Variants in SNX29 observed in about 807,000 individuals in gnomAD.
SNX29 encodes the protein sorting nexin 29, also known as sorting nexin-29.
Under a neutral mutation model 102.1 loss-of-function variants are expected in SNX29, and 78 were observed. The observed-to-expected ratio is 0.76, with a 90% CI of 0.64 to 0.92. The LOEUF (loss-of-function observed/expected upper bound fraction) is 0.92, where lower values mean the gene tolerates loss of function less well. Among genes scored for constraint, SNX29 ranks in the 40% least tolerant of loss-of-function variants. The pLI, the probability that SNX29 is intolerant of heterozygous loss-of-function variation, is 0.00. For missense variants in SNX29, 1,280 were observed against 1,061.7 expected (o/e 1.21, Z -2.86); for synonymous variants, 580 against 414.5 (o/e 1.40, Z -4.85).
chr16:12,445,361 G>A (rs1467664229), intron 18 of SNX29, among the ~76,000 whole-genome samples: 1 of 152,086 alleles, frequency 6.6e-6, no homozygotes, highest in Non-Finnish European at 1.5e-5. Flanking sequence ...CCGCTTCAGG[G>A]CTCCTGTATG....
chr16:12,452,060 G>T (rs1022857158), intron 18 of SNX29, among the ~76,000 whole-genome samples: 4 of 152,174 alleles, frequency 2.6e-5, no homozygotes, highest in African/African-American at 9.7e-5. Context: ...CCCCACTGAA[G>T]CTCAGACCTG....
intron 20 of SNX29, among the ~76,000 whole-genome samples, chr16:12,564,966 A>C (rs925920908): frequency 2.0e-5 from 3 of 150,208 alleles, no homozygotes; most frequent in Non-Finnish European, 4.4e-5. Flanking sequence ...GTCATTGTAA[A>C]TGTGAGGCGT....
intron 20 of SNX29, among the ~76,000 whole-genome samples, chr16:12,567,948 G>T (rs72775248): frequency 2.0e-5 from 3 of 152,160 alleles, no homozygotes; most frequent in Non-Finnish European, 4.4e-5. Flanking sequence ...TTCAGAACCA[G>T]GATCAGTGTC....
intron 11 of SNX29, chr16:12,087,167 G>C (rs1311154785): frequency 6.5e-6 from 1 of 153,152 alleles, no homozygotes; most frequent in East Asian, 1.9e-4. Context: ...GGCTGAGGTG[G>C]GTAGATCACC....
intron 14 of SNX29, among the ~76,000 whole-genome samples, chr16:12,221,722 G>A (rs1413272167): frequency 6.6e-6 from 1 of 152,200 alleles, no homozygotes. Flanking sequence ...GGGAAGGGAA[G>A]GACTGAACAT....
At chr16:12,369,671 C>T (rs969255170) in intron 16 of SNX29, among the ~76,000 whole-genome samples, 1 of 152,108 alleles carries the variant, frequency 6.6e-6, no homozygotes, top group Non-Finnish European at 1.5e-5. Context: ...ATGACGCATC[C>T]CTCTAGATAC....
At chr16:12,347,765 C>G (rs1200148423) in intron 15 of SNX29, among the ~76,000 whole-genome samples, 1 of 152,054 alleles carries the variant, frequency 6.6e-6, no homozygotes, top group Non-Finnish European at 1.5e-5. Flanking sequence ...TGACAATAAC[C>G]TCATTTGACA....
intron 16 of SNX29, among the ~76,000 whole-genome samples, chr16:12,361,985 A>T (rs184297570): frequency 6.6e-6 from 1 of 152,334 alleles, no homozygotes. Flanking sequence ...ACATGCCTAT[A>T]CATGTTAATA....
chr16:12,328,071 G>A lies in SNX29; in HGVS notation c.1783-28092G>A, dbSNP rs564013563. Reference sequence around the variant, plus strand: ...CTTAGGCAGGACACCACTTTCCAGAGCCTCGGGTTGCCCATTGGTAAAATG... The same window carrying A: ...CTTAGGCAGGACACCACTTTCCAGAACCTCGGGTTGCCCATTGGTAAAATG... On this transcript the variant is annotated intron_variant, in intron 15 of 20. Coordinates refer to ENST00000566228, the MANE Select transcript of SNX29 (RefSeq NM_032167.5). Among the ~76,000 whole-genome samples the A allele has an allele frequency of 2.6e-5, 4 of 152,286 alleles. No individual in the cohort carries two copies. In the South Asian group the frequency reaches 6.2e-4, roughly 24 times the overall value.
At chr16:12,416,166 C>T (rs756384460) in intron 18 of SNX29, among the ~76,000 whole-genome samples, 14 of 152,152 alleles carry the variant, frequency 9.2e-5, no homozygotes, top group African/African-American at 7.2e-5. Context: ...CGGTTTCTGA[C>T]CCCAGAGACT....
At chr16:12,188,840 G>C (rs1428808720) in intron 13 of SNX29, among the ~76,000 whole-genome samples, 1 of 152,200 alleles carries the variant, frequency 6.6e-6, no homozygotes, top group Non-Finnish European at 1.5e-5. Context: ...CCTGGAATTT[G>C]AGTCCCCTGG....
intron 3 of SNX29, among the ~76,000 whole-genome samples, chr16:12,013,492 A>AGGGG (rs2056727943): frequency 5.5e-5 from 2 of 36,094 alleles, no homozygotes; most frequent in African/African-American, 2.6e-4. Context: ...CTGGGGGAAA[A>AGGGG]AAAAAAAAAT....
intron 20 of SNX29, among the ~76,000 whole-genome samples, chr16:12,565,252 G>T (rs950731770): frequency 6.6e-6 from 1 of 152,148 alleles, no homozygotes; most frequent in Non-Finnish European, 1.5e-5. Context: ...TATAAAGATG[G>T]CAGTTGCAAG....
intron 16 of SNX29, among the ~76,000 whole-genome samples, chr16:12,395,407 C>T (rs1034087702): frequency 4.6e-5 from 7 of 152,246 alleles, no homozygotes; most frequent in East Asian, 3.8e-4. Context: ...GTGGATTCCC[C>T]GTTGGTCTCA....
chr16:12,207,910 G>C (rs2077086310), intron 14 of SNX29, among the ~76,000 whole-genome samples: 1 of 152,080 alleles, frequency 6.6e-6, no homozygotes, highest in Admixed American at 6.5e-5. Flanking sequence ...GGTAGGGTCT[G>C]GGACTTAGAA....
chr16:12,389,776 C>T (rs1215604916), intron 16 of SNX29, among the ~76,000 whole-genome samples: 1 of 152,094 alleles, frequency 6.6e-6, no homozygotes, highest in African/African-American at 2.4e-5. Context: ...GAAACATCTC[C>T]TGGAAACCCT....
chr16:12,547,115 A>C (rs568148955), intron 20 of SNX29, among the ~76,000 whole-genome samples: 1 of 152,184 alleles, frequency 6.6e-6, no homozygotes, highest in African/African-American at 2.4e-5. Context: ...AAAAGACAGG[A>C]AATGACATCA....
In SNX29 at chr16:12,560,965, T is replaced by C. The variant is rs1176811883; in HGVS notation, c.2319-7541T>C. ...CCGGAGAACCAGACCCAGACCTGCCTTCAAGGAACCCTTGGGTACTGCCAG... is the reference window on the plus strand; with the variant it reads ...CCGGAGAACCAGACCCAGACCTGCCCTCAAGGAACCCTTGGGTACTGCCAG... On this transcript the variant is annotated intron_variant, in intron 20 of 20. Coordinates refer to ENST00000566228, the MANE Select transcript of SNX29 (RefSeq NM_032167.5). The C allele has an allele frequency of 2.4e-5, 5 of 211,278 alleles. No individual in the cohort carries two copies. In the East Asian group the frequency reaches 3.5e-4, roughly 15 times the overall value. 13.1% of individuals were successfully genotyped at this position (211,278 alleles called of 1,614,324 possible). A position where few individuals can be genotyped will look rare whatever the true frequency, so the allele number is the denominator to read the frequency against.
chr16:12,544,832 C>G (rs910296764), intron 20 of SNX29, among the ~76,000 whole-genome samples: 6 of 152,224 alleles, frequency 3.9e-5, no homozygotes, highest in Non-Finnish European at 4.4e-5. Context: ...TCAGCAAGAA[C>G]TCCTTGGGGA....
Sources: gnomAD v4.1 joint callset for allele counts (sites outside exome capture counted in the v4.1 genomes callset) on GRCh38, gnomAD v4.1.1 for gene constraint, MANE v1.5 for transcripts, NCBI Gene and HGNC (gene_info 2026-07-23, HGNC 2026-07-21) for gene names.